Variants in FBXO16 observed in about 807,000 individuals in gnomAD.
FBXO16 encodes the protein F-box protein 16.
FBXO16 carries 31 observed loss-of-function variants against 41.0 expected under a neutral mutation model. The ratio of observed to expected loss-of-function variants is 0.76; its 90% CI spans 0.57 to 1.02. The LOEUF (loss-of-function observed/expected upper bound fraction) is 1.02. FBXO16 is among the 50% of genes least tolerant of loss of function. The pLI, the probability that FBXO16 is intolerant of heterozygous loss-of-function variation, is 0.00. For missense variants in FBXO16, 361 were observed against 346.2 expected, an observed-to-expected ratio of 1.04 and a Z score of -0.34; for synonymous variants, 133 against 117.8, an observed-to-expected ratio of 1.13 and a Z score of -0.84.
At chr8:28,441,381 T>C (rs932329766) in intron 7 of FBXO16, among the ~76,000 whole-genome samples, 1 of 152,126 alleles carries the variant, frequency 6.6e-6, no homozygotes, top group African/African-American at 2.4e-5. Context: ...TTTAGCAAAG[T>C]CTCTCCCTCA....
chr8:28,475,598 T>C (rs1340420404), intron 2 of FBXO16, among the ~76,000 whole-genome samples: 9 of 152,242 alleles, frequency 5.9e-5, no homozygotes, highest in African/African-American at 1.9e-4. Flanking sequence ...GTCACTTTTC[T>C]GATGTCCAGG....
At chr8:28,449,239 A>C (rs1802913903) in intron 6 of FBXO16, 1 of 151,724 alleles carries the variant, frequency 6.6e-6, no homozygotes, top group South Asian at 2.1e-4. Context: ...AAAAGGACAG[A>C]GGGGAAATCT....
At chr8:28,470,351 C>A (rs1477713669) in intron 3 of FBXO16, among the ~76,000 whole-genome samples, 1 of 152,074 alleles carries the variant, frequency 6.6e-6, no homozygotes, top group Non-Finnish European at 1.5e-5. Context: ...ACTACTGATA[C>A]CATTACTACT....
At chr8:28,458,857 G>A (rs983497573) in intron 4 of FBXO16, among the ~76,000 whole-genome samples, 1 of 152,080 alleles carries the variant, frequency 6.6e-6, no homozygotes, top group African/African-American at 2.4e-5. Flanking sequence ...TTGTTTAAAG[G>A]TAGAGAGGAA....
intron 2 of FBXO16, among the ~76,000 whole-genome samples, chr8:28,478,373 G>A (rs1360918177): frequency 6.6e-6 from 1 of 152,136 alleles, no homozygotes; most frequent in East Asian, 1.9e-4. Context: ...CCTTGCCCAA[G>A]GTCAGACCTG....
chr8:28,463,518 G>C, intron 4 of FBXO16, 94 bp downstream of exon 4: 1 of 1,196,020 alleles, frequency 8.4e-7, no homozygotes, highest in Non-Finnish European at 1.2e-6. Flanking sequence ...GTGTGTGTGT[G>C]TATGCCTGTG....
intron 2 of FBXO16, among the ~76,000 whole-genome samples, chr8:28,477,884 AG>A (rs1285167936): frequency 5.9e-5 from 9 of 152,126 alleles, no homozygotes; most frequent in African/African-American, 2.2e-4. Flanking sequence ...TGGTGGTGTG[AG>A]CCTGGTGGTC....
intron 1 of FBXO16, among the ~76,000 whole-genome samples, chr8:28,489,618 T>C (rs1464508622): frequency 6.6e-6 from 1 of 151,308 alleles, no homozygotes; most frequent in Non-Finnish European, 1.5e-5. Flanking sequence ...AAGGATTCCT[T>C]GAGCCCAGGA....
chr8:28,472,083 A>G (rs758378604), intron 3 of FBXO16, among the ~76,000 whole-genome samples: 8 of 152,098 alleles, frequency 5.3e-5, no homozygotes, highest in Non-Finnish European at 8.8e-5. Context: ...ATCCAAATTC[A>G]TCTTTCTATT....
At chr8:28,450,991 C>T (rs1013222118) in intron 6 of FBXO16, among the ~76,000 whole-genome samples, 2 of 152,178 alleles carry the variant, frequency 1.3e-5, no homozygotes, top group East Asian at 1.9e-4. Flanking sequence ...AAATCCTTGA[C>T]AGATCCAGTC....
At chr8:28,434,847 G>C (rs1297887904) in intron 7 of FBXO16, among the ~76,000 whole-genome samples, 1 of 152,270 alleles carries the variant, frequency 6.6e-6, no homozygotes, top group Non-Finnish European at 1.5e-5. Flanking sequence ...GCTCCGTGCA[G>C]GGCCCGAGGC....
rs956111785 is a variant in FBXO16 at position 28,464,692 on chromosome 8, T to G, written c.136-874A>C. 4.6e-5 allele frequency among the ~76,000 whole-genome samples: 7 copies of G among 152,230 alleles called. No homozygotes were observed. The South Asian group carries it at 1.2e-3, about 27-fold the overall frequency. ...TTTTTGAGACGGAGTCTCACTCTGTTGCCTAGATTGGAGTGCAGTGGTGTG... is the reference window on the plus strand; with the variant it reads ...TTTTTGAGACGGAGTCTCACTCTGTGGCCTAGATTGGAGTGCAGTGGTGTG... On this transcript the variant is annotated intron_variant, in intron 3 of 8. Coordinates refer to ENST00000380254, the MANE Select transcript of FBXO16 (RefSeq NM_172366.4).
At chr8:28,480,821 T>C (rs1194697970) in intron 2 of FBXO16, among the ~76,000 whole-genome samples, 1 of 152,202 alleles carries the variant, frequency 6.6e-6, no homozygotes, top group African/African-American at 2.4e-5. Context: ...CCATTTCTTA[T>C]GCTTCAGGAA....
chr8:28,440,157 C>T (rs1802747463), intron 7 of FBXO16, among the ~76,000 whole-genome samples: 1 of 152,044 alleles, frequency 6.6e-6, no homozygotes, highest in Non-Finnish European at 1.5e-5. Flanking sequence ...GGCTGGAATG[C>T]AGTGGCACAA....
In FBXO16 at chr8:28,428,603, G is replaced by A; in HGVS notation, c.*124C>T. The A allele has an allele frequency of 2.6e-6, 4 of 1,551,352 alleles. No homozygotes were observed. In the Admixed American group the frequency reaches 7.8e-5, roughly 30 times the overall value. ...TGGAACCTGGATGAGTCATGCTTGG[G>A]GCCCAGGGTGCCTGTGAGGATGCTG... On this transcript the variant is annotated 3_prime_UTR_variant, in exon 9 of 9. Coordinates refer to ENST00000380254, the MANE Select transcript of FBXO16 (RefSeq NM_172366.4).
intron 7 of FBXO16, among the ~76,000 whole-genome samples, chr8:28,443,303 T>C (rs553232286): frequency 4.9e-4 from 75 of 152,248 alleles, no homozygotes; most frequent in Admixed American, 4.8e-3. Flanking sequence ...GGATGACAGG[T>C]ATGAGCCACT....
At chr8:28,454,067 G>A (rs991889218) in intron 5 of FBXO16, among the ~76,000 whole-genome samples, 5 of 151,990 alleles carry the variant, frequency 3.3e-5, no homozygotes, top group Admixed American at 6.6e-5. Flanking sequence ...TTGGGAGGCT[G>A]AGGCAGGAGA....
At chr8:28,441,856 G>A (rs1802782190) in intron 7 of FBXO16, among the ~76,000 whole-genome samples, 1 of 146,980 alleles carries the variant, frequency 6.8e-6, no homozygotes, top group African/African-American at 2.6e-5. Context: ...TATAATGTGT[G>A]TATATATATG....
intron 2 of FBXO16, among the ~76,000 whole-genome samples, chr8:28,475,190 G>C (rs1443716133): frequency 6.6e-6 from 1 of 152,202 alleles, no homozygotes; most frequent in Non-Finnish European, 1.5e-5. Context: ...AGGCTGAGGA[G>C]CTGGTTTTAT....
Sources: gnomAD v4.1 joint callset for allele counts (sites outside exome capture counted in the v4.1 genomes callset) on GRCh38, gnomAD v4.1.1 for gene constraint, MANE v1.5 for transcripts, NCBI Gene and HGNC (gene_info 2026-07-23, HGNC 2026-07-21) for gene names.